MDN1: variants seen among roughly 807,000 people sequenced by gnomAD.
MDN1 encodes midasin AAA ATPase 1.
A neutral mutation model predicts 669.2 loss-of-function variants in MDN1; 266 were observed. The ratio of observed to expected loss-of-function variants is 0.40; its 90% confidence interval spans 0.36 to 0.44. The LOEUF is 0.44. Ranked by LOEUF, MDN1 falls within the 20% of genes least tolerant of loss-of-function variation. The pLI is 1.00. For missense variants in MDN1, 5,940 were observed against 6,754.0 expected (o/e 0.88, Z 4.22); for synonymous variants, 2,385 against 2,457.1 (o/e 0.97, Z 0.87).
chr6:89,709,381 T>C (rs993912940), intron 50 of MDN1, among the ~76,000 whole-genome samples: 1 of 152,134 alleles, frequency 6.6e-6, no homozygotes, highest in Non-Finnish European at 1.5e-5. Context: ...CTCAGTAAGA[T>C]AAAAGGGCTA....
chr6:89,713,108 G>T, intron 47 of MDN1, 40 bp downstream of exon 47: 1 of 1,591,894 alleles, frequency 6.3e-7, no homozygotes, highest in Non-Finnish European at 8.6e-7. Context: ...AGAATGTAGG[G>T]TATTACAACT....
chr6:89,688,001 A>G (rs1812134352), intron 67 of MDN1, 77 bp downstream of exon 67: 1 of 1,267,244 alleles, frequency 7.9e-7, no homozygotes, highest in African/African-American at 1.5e-5. Flanking sequence ...TTTTCTGTCT[A>G]ACAACAAAGG....
At chr6:89,769,725 CTT>C (rs1202296003) in intron 15 of MDN1, among the ~76,000 whole-genome samples, 1 of 152,336 alleles carries the variant, frequency 6.6e-6, no homozygotes, top group South Asian at 2.1e-4. Flanking sequence ...GTTAATCATA[CTT>C]TGAGTCCAAC....
intron 2 of MDN1, among the ~76,000 whole-genome samples, chr6:89,800,761 G>T (rs1767598850): frequency 6.6e-6 from 1 of 152,152 alleles, no homozygotes; most frequent in Non-Finnish European, 1.5e-5. Flanking sequence ...CTTGAGATTG[G>T]TGTCTAGAGA....
In MDN1 at chr6:89,763,715, G is replaced by C. The variant is rs149937272; in HGVS notation, c.2145-1185C>G. Among the ~76,000 whole-genome samples, 850 of 152,192 alleles carry C rather than the reference G, an allele frequency of 5.6e-3. 5 individuals carry two copies. The highest frequency in any genetic ancestry group is 0.02 in the Middle Eastern group (6 of 294). On this transcript the variant is annotated intron_variant, in intron 15 of 101. Coordinates refer to ENST00000369393, the MANE Select transcript of MDN1 (RefSeq NM_014611.3). The stretch of plus-strand genomic sequence containing the variant: ...AATATGTTTCACAACAAACGTAAGG[G>C]AACTGATGGATTACTGCTGACTCAC...
chr6:89,788,488 T>C (rs554740797), intron 7 of MDN1, among the ~76,000 whole-genome samples: 38 of 152,228 alleles, frequency 2.5e-4, no homozygotes, highest in Admixed American at 5.9e-4. Context: ...TTTAAAAAAC[T>C]GATAAACCTA....
At chr6:89,691,758 T>C (rs1812393321) in intron 63 of MDN1, among the ~76,000 whole-genome samples, 1 of 152,222 alleles carries the variant, frequency 6.6e-6, no homozygotes, top group Non-Finnish European at 1.5e-5. Flanking sequence ...TAAACTTTAC[T>C]AGTGGTTTGT....
At chr6:89,761,895 A>T (rs1271573968) in intron 16 of MDN1, 147 bp from the exon 17 acceptor site, 2 of 609,634 alleles carry the variant, frequency 3.3e-6, no homozygotes, top group Non-Finnish European at 5.6e-6. Flanking sequence ...TGCTAACAAA[A>T]TGCCAGACAT....
chr6:89,808,467 C>T (rs1389896023), intron 1 of MDN1, among the ~76,000 whole-genome samples: 1 of 152,142 alleles, frequency 6.6e-6, no homozygotes, highest in Non-Finnish European at 1.5e-5. Context: ...TCAACTTGGT[C>T]GTTCCACTCC....
chr6:89,710,680 C>T lies in MDN1; in HGVS notation c.7765+1G>A. ...GAGAGCTAGAAATCAAAAGTGCATA[C>T]CTGTTGTATTTGGTTGTAATATTTT... On this transcript the variant is annotated splice_donor_variant, in intron 50 of 101. Coordinates refer to ENST00000369393, the MANE Select transcript of MDN1 (RefSeq NM_014611.3). LOFTEE classifies it high-confidence loss of function. 1 of 1,532,754 alleles carries T rather than the reference C, an allele frequency of 6.5e-7. No homozygotes were observed. The highest frequency in any genetic ancestry group is 8.8e-7 in the Non-Finnish European group (1 of 1,130,160). The allele number at this position is 1,532,754 out of a possible 1,614,324, so 94.9% of individuals were successfully genotyped here.
At chr6:89,704,625 C>G (rs975973249) in intron 53 of MDN1, among the ~76,000 whole-genome samples, 5 of 152,150 alleles carry the variant, frequency 3.3e-5, no homozygotes, top group Admixed American at 3.3e-4. Context: ...GTTGCTCTGT[C>G]CCCCAGGCTG....
At chr6:89,794,488 G>A in intron 3 of MDN1, 89 bp downstream of exon 3, 1 of 1,283,944 alleles carries the variant, frequency 7.8e-7, no homozygotes, top group Non-Finnish European at 1.1e-6. Flanking sequence ...ATTTTAAATG[G>A]TTTCCTTTCC....
chr6:89,693,001 A>G lies in MDN1; in HGVS notation c.10029T>C (p.Val3343=). The G allele has an allele frequency of 1.2e-6, 2 of 1,614,212 alleles. No individual in the cohort carries two copies. The highest frequency in any genetic ancestry group is 1.7e-6 in the Non-Finnish European group (2 of 1,180,030). The stretch of plus-strand genomic sequence containing the variant: ...GCAGAAGCCGTGTGAGCAGATCCTG[A>G]ACAGCAGGGGCCTTGGCGATGCTGG... ...YVTSIAKAPA[V]QDLLTRLLQA... The change falls in exon 63 of 102, where the codon GTT becomes GTC. Residue 3343 remains valine (V), a synonymous_variant. Transcript: ENST00000369393.
Position 89,662,276 on chromosome 6 carries a change from C to A in MDN1, c.14413-37G>T, listed in dbSNP as rs767232321. ...AGGAAGAAAAAACAATCATCACACT[C>A]AATCCAAGAAACTGCTTCTGCATGG... is the stretch of plus-strand genomic sequence containing the variant. On this transcript the variant is annotated intron_variant, in intron 86 of 101. Coordinates refer to ENST00000369393, the MANE Select transcript of MDN1 (RefSeq NM_014611.3). The A allele has an allele frequency of 6.3e-6, 10 of 1,590,042 alleles. No homozygotes were observed. In the East Asian group the frequency reaches 2.2e-4, roughly 36 times the overall value.
chr6:89,751,490 G>A lies in MDN1; in HGVS notation c.3168C>T (p.Tyr1056=). 7 of 1,614,138 alleles carry A rather than the reference G, an allele frequency of 4.3e-6. No individual in the cohort carries two copies. Among genetic ancestry groups the A allele is most frequent in the Non-Finnish European group, 5.9e-6 (7 of 1,180,002 alleles). Residue 1056 remains tyrosine, a synonymous_variant, in exon 23 of 102, where the codon TAC becomes TAT. Coordinates refer to ENST00000369393, the MANE Select transcript of MDN1 (RefSeq NM_014611.3). ...TCAGCTTCACAGAAGATGTCAGAAT[G>A]TACGTCTCATCTATTGTAGGCTCCT... is the stretch of plus-strand genomic sequence containing the variant. The part of the protein sequence containing the change: ...GDKEPTIDET[Y]ILTSSVKLNL...
chr6:89,648,565 C>T (rs541786145), intron 97 of MDN1, among the ~76,000 whole-genome samples: 2 of 152,114 alleles, frequency 1.3e-5, no homozygotes, highest in African/African-American at 2.4e-5. Flanking sequence ...CTGTAGACAT[C>T]GAATAAAAAG....
intron 94 of MDN1, among the ~76,000 whole-genome samples, chr6:89,652,541 C>A (rs1808949274): frequency 6.6e-6 from 1 of 152,170 alleles, no homozygotes; most frequent in Admixed American, 6.5e-5. Flanking sequence ...ACCCAAACAC[C>A]CTTAAGTCAT....
Position 89,692,577 on chromosome 6 carries a change from C to G in MDN1, c.10453G>C (p.Glu3485Gln), listed in dbSNP as rs1812443564. Residue 3485 changes from glutamate to glutamine, a missense_variant, in exon 63 of 102, where the codon GAA becomes CAA. Physicochemically the swap from Glu to Gln is conservative, Grantham distance 29. Coordinates refer to ENST00000369393, the MANE Select transcript of MDN1 (RefSeq NM_014611.3). The part of the protein sequence containing the change: ...ILKRSGGKEL[E>Q]GKGQKACPTR... The stretch of plus-strand genomic sequence containing the variant: ...GGACAGGCTTTCTGGCCCTTGCCTT[C>G]CAGCTCCTTTCCTCCTGAGCGCTTG... The G allele has an allele frequency of 6.2e-7, 1 of 1,614,252 alleles. No individual in the cohort carries two copies. The highest frequency in any genetic ancestry group is 8.5e-7 in the Non-Finnish European group (1 of 1,180,038).
At chr6:89,675,306 G>T in intron 78 of MDN1, 158 bp downstream of exon 78, 1 of 618,624 alleles carries the variant, frequency 1.6e-6, no homozygotes, top group Non-Finnish European at 2.8e-6. Context: ...GAAAGCAAGG[G>T]GCAGAGCTGG....
Sources: gnomAD v4.1 joint callset for allele counts (sites outside exome capture counted in the v4.1 genomes callset) on GRCh38, gnomAD v4.1.1 for gene constraint, MANE v1.5 for transcripts, NCBI Gene and HGNC (gene_info 2026-07-23, HGNC 2026-07-21) for gene names.